DOT1L: variants seen among roughly 807,000 people sequenced by gnomAD.
The protein encoded by DOT1L is DOT1 like histone lysine methyltransferase.
DOT1L carries 33 observed loss-of-function variants against 153.3 expected under a neutral mutation model. That is an observed-to-expected ratio of 0.22 (90% CI 0.16 to 0.29). The LOEUF (loss-of-function observed/expected upper bound fraction) is 0.29. Among genes scored for constraint, DOT1L ranks in the 10% least tolerant of loss-of-function variants. The pLI, the probability that DOT1L is intolerant of heterozygous loss-of-function variation, is 1.00. For synonymous variants in DOT1L, 1,135 were observed against 965.1 expected, an observed-to-expected ratio of 1.18 and a Z score of -3.26; for missense variants, 1,847 against 2,119.9, an observed-to-expected ratio of 0.87 and a Z score of 2.53.
At chr19:2,173,798 G>A (rs532680639) in intron 1 of DOT1L, among the ~76,000 whole-genome samples, 1 of 152,284 alleles carries the variant, frequency 6.6e-6, no homozygotes, top group African/African-American at 2.4e-5. Flanking sequence ...AGACGGGGTC[G>A]CTCCGGTTGT....
intron 19 of DOT1L, among the ~76,000 whole-genome samples, chr19:2,215,284 AC>A (rs1476268551): frequency 6.6e-5 from 10 of 151,900 alleles, no homozygotes; most frequent in African/African-American, 2.2e-4. Flanking sequence ...AATAGCTTGT[AC>A]TTTCTGACAC....
chr19:2,229,005 C>T (rs1378155148), intron 27 of DOT1L: 1 of 985,430 alleles, frequency 1.0e-6, no homozygotes, highest in Non-Finnish European at 1.2e-6. Context: ...TGTTGAGGCC[C>T]CCTTGCTGGA....
In DOT1L at chr19:2,231,398, G is replaced by A. The variant is rs1464660088; in HGVS notation, c.*1606G>A. ...CCACGTGGCCTCCAAAGGGAGCCACGGAGGAAAGGCTTCTGTGGTTGCTAG... is the reference window on the plus strand; with the variant it reads ...CCACGTGGCCTCCAAAGGGAGCCACAGAGGAAAGGCTTCTGTGGTTGCTAG... On this transcript the variant is annotated 3_prime_UTR_variant, in exon 28 of 28. Transcript: ENST00000398665. 2 of 204,762 alleles carry A rather than the reference G, an allele frequency of 9.8e-6. No homozygotes were observed. The highest frequency in any genetic ancestry group is 2.3e-5 in the African/African-American group (1 of 43,598). The allele number at this position is 204,762 out of a possible 1,614,324, so 12.7% of individuals were successfully genotyped here.
rs563187490 is a variant in DOT1L at position 2,166,047 on chromosome 19, G to A, written c.81+1782G>A. Among the ~76,000 whole-genome samples the A allele has an allele frequency of 9.2e-5, 14 of 152,222 alleles. No individual in the cohort carries two copies. The East Asian group carries it at 9.6e-4, about 10-fold the overall frequency. The stretch of plus-strand genomic sequence containing the variant: ...GGCCTCCCAAAGTGCTGGGATTACA[G>A]GTGTGAGCCACCGCGCCCGGCCCAC... On this transcript the variant is annotated intron_variant, in intron 1 of 27. Coordinates refer to ENST00000398665, the MANE Select transcript of DOT1L (RefSeq NM_032482.3).
intron 1 of DOT1L, among the ~76,000 whole-genome samples, chr19:2,164,662 T>C (rs1413915639): frequency 6.7e-6 from 1 of 149,634 alleles, no homozygotes; most frequent in Admixed American, 6.6e-5. Context: ...AGGGCATCCT[T>C]TCCTGTCTCC....
At chr19:2,165,761 G>A (rs1296010504) in intron 1 of DOT1L, among the ~76,000 whole-genome samples, 1 of 149,686 alleles carries the variant, frequency 6.7e-6, no homozygotes, top group African/African-American at 2.5e-5. Context: ...CCCAGTACAT[G>A]GCTTCACATT....
At chr19:2,216,138 A>T in intron 19 of DOT1L, 143 bp from the exon 20 acceptor site, 1 of 1,253,142 alleles carries the variant, frequency 8.0e-7, no homozygotes, top group Non-Finnish European at 1.1e-6. Context: ...CCCCGCCTCT[A>T]TGTGGTCGGC....
intron 3 of DOT1L, among the ~76,000 whole-genome samples, chr19:2,186,738 G>A (rs1479301098): frequency 6.6e-6 from 1 of 152,244 alleles, no homozygotes; most frequent in Non-Finnish European, 1.5e-5. Context: ...GCACCCTGGT[G>A]CCCCACAGGC....
Position 2,201,057 on chromosome 19 carries a change from C to T in DOT1L, c.707+1118C>T, listed in dbSNP as rs538058145. Reference sequence around the variant, plus strand: ...CATTCCTCGTCCTCCCCGCATTCCTCGTCCTCCCTGCATTCCTCGTCGTCC... The same window carrying T: ...CATTCCTCGTCCTCCCCGCATTCCTTGTCCTCCCTGCATTCCTCGTCGTCC... On this transcript the variant is annotated intron_variant, in intron 8 of 27. Coordinates refer to ENST00000398665, the MANE Select transcript of DOT1L (RefSeq NM_032482.3). Among the ~76,000 whole-genome samples the T allele has an allele frequency of 2.3e-3, 275 of 121,552 alleles. 1 individual carries two copies. The highest frequency in any genetic ancestry group is 3.8e-3 in the Non-Finnish European group (218 of 57,466). The allele number at this position is 121,552 out of a possible 152,430, so 79.7% of individuals were successfully genotyped here.
In DOT1L at chr19:2,216,684, C is replaced by T. The variant is rs773452337; in HGVS notation, c.2327C>T (p.Pro776Leu). Residue 776 changes from proline to leucine, a missense_variant, in exon 20 of 28, where the codon CCG (proline) becomes CTG (leucine). Coordinates refer to ENST00000398665, the MANE Select transcript of DOT1L (RefSeq NM_032482.3). ...GCACCCGACTACACTAGGCTGTCCC[C>T]GGCCAAGATTGTGCTGAGGCGGCAC... ...LAAPDYTRLS[P>L]AKIVLRRHLS... is the part of the protein sequence containing the mutation. 27 of 1,603,318 alleles carry T rather than the reference C, an allele frequency of 1.7e-5. No homozygotes were observed. Among genetic ancestry groups the T allele is most frequent in the Middle Eastern group, 1.7e-4 (1 of 6,020 alleles).
At chr19:2,187,876 C>T (rs189216681) in intron 3 of DOT1L, among the ~76,000 whole-genome samples, 498 of 149,088 alleles carry the variant, frequency 3.3e-3, no homozygotes, top group Middle Eastern at 0.01. Context: ...GAGCTGAGAT[C>T]GCGCCACCGC....
At chr19:2,194,265 G>A (rs1479708958) in intron 6 of DOT1L, among the ~76,000 whole-genome samples, 8 of 152,144 alleles carry the variant, frequency 5.3e-5, no homozygotes, top group Admixed American at 5.2e-4. Flanking sequence ...CCGCCACCTG[G>A]GTTCACACCA....
chr19:2,210,981 C>CT lies in DOT1L; in HGVS notation c.1352-117dup, dbSNP rs541721296. On this transcript the variant is annotated intron_variant, in intron 14 of 27. Coordinates refer to ENST00000398665, the MANE Select transcript of DOT1L (RefSeq NM_032482.3). ...TGTCCCTGGAGCCTCCCTGTTGTGG[C>CT]TGTGCCTTCAGGGTGGCCCCATCCT... The CT allele has an allele frequency of 8.6e-4, 1,258 of 1,458,130 alleles. 32 individuals are homozygous for CT. The South Asian group carries it at 0.015, about 17-fold the overall frequency. 90.3% of individuals were successfully genotyped at this position (1,458,130 alleles called of 1,614,324 possible).
intron 16 of DOT1L, 73 bp downstream of exon 16, chr19:2,211,915 C>G: frequency 7.1e-7 from 1 of 1,416,754 alleles, no homozygotes; most frequent in Admixed American, 2.1e-5. Flanking sequence ...GGCATCTGTC[C>G]CCTGTGGCAG....
intron 18 of DOT1L, 187 bp downstream of exon 18, chr19:2,214,173 T>G: frequency 9.2e-7 from 1 of 1,087,320 alleles, no homozygotes; most frequent in Non-Finnish European, 1.3e-6. Flanking sequence ...GCCCCTCGGC[T>G]GGATGGTTTC....
Position 2,191,020 on chromosome 19 carries a change from C to T in DOT1L, c.273C>T (p.Gly91=), listed in dbSNP as rs761904286. The change falls in exon 5 of 28, where the codon GGC becomes GGT. Residue 91 remains glycine (G), a synonymous_variant. Transcript: ENST00000398665. The surrounding 1 kb of genome is among the most constrained non-coding windows in gnomAD (Gnocchi z 6.8). ...CCACCCTCCGTCCGCAGTGGAAGGG[C>T]ACCACGCAGCCCATGAAGCTGAACA... The part of the protein sequence containing the change: ...AIDSIHQLWK[G]TTQPMKLNTR... 1.9e-6 allele frequency: 3 copies of T among 1,600,460 alleles called. No individual in the cohort carries two copies. Among genetic ancestry groups the T allele is most frequent in the East Asian group, 4.5e-5 (2 of 44,412 alleles).
At chr19:2,165,306 T>C (rs1407404404) in intron 1 of DOT1L, among the ~76,000 whole-genome samples, 1 of 151,708 alleles carries the variant, frequency 6.6e-6, no homozygotes, top group African/African-American at 2.4e-5. Context: ...CTTGTGTCAG[T>C]TTTTGGAAAC....
rs1219693065 is a variant in DOT1L at position 2,222,513 on chromosome 19, G to T, written c.3344G>T (p.Gly1115Val). Reference protein sequence around the residue: ...PKRRALPSVAGLFTQPSGSPL... With the variant: ...PKRRALPSVAVLFTQPSGSPL... The stretch of plus-strand genomic sequence containing the variant: ...CGCCGAGCCCTGCCGTCCGTCGCTG[G>T]CCTTTTCACACAGCCTTCGGGGTCT... Residue 1115 changes from glycine to valine, a missense_variant, in exon 24 of 28, where the codon GGC (glycine) becomes GTC (valine). By Grantham distance (109) the Gly-to-Val change is moderately radical. Coordinates refer to ENST00000398665, the MANE Select transcript of DOT1L (RefSeq NM_032482.3). This position sits in a 1 kb window ranked among gnomAD's most constrained non-coding sequence, Gnocchi z 6.5. 7.0e-6 allele frequency: 11 copies of T among 1,574,000 alleles called. No homozygotes were observed. The Admixed American group carries it at 1.9e-4, about 27-fold the overall frequency.
At chr19:2,169,394 A>G (rs2020043928) in intron 1 of DOT1L, among the ~76,000 whole-genome samples, 1 of 152,168 alleles carries the variant, frequency 6.6e-6, no homozygotes, top group South Asian at 2.1e-4. Context: ...GCAAATGCAC[A>G]CTGCTTTGTT....
Sources: allele counts gnomAD v4.1 joint callset (sites outside exome capture counted in the v4.1 genomes callset), GRCh38; gene constraint gnomAD v4.1.1; non-coding constraint Gnocchi (gnomAD v3.1); transcripts MANE v1.5; gene names NCBI Gene and HGNC (gene_info 2026-07-23, HGNC 2026-07-21).